The following BNC2 variants were observed in gnomAD, a reference collection of about 807,000 sequenced individuals.
The protein encoded by BNC2 is basonuclin zinc finger protein 2, also known as zinc finger protein basonuclin-2.
Under a neutral mutation model 76.3 loss-of-function variants are expected in BNC2, and 20 were observed. The ratio of observed to expected loss-of-function variants is 0.26; its 90% CI spans 0.18 to 0.38. The LOEUF (loss-of-function observed/expected upper bound fraction) is 0.38. Ranked by LOEUF, BNC2 falls within the 10% of genes least tolerant of loss-of-function variation. The pLI, the probability that BNC2 is intolerant of heterozygous loss-of-function variation, is 1.00. For synonymous variants in BNC2, 582 were observed against 514.8 expected (o/e 1.13, Z -1.77); for missense variants, 1,382 against 1,399.8 (o/e 0.99, Z 0.20).
chr9:16,517,864 A>G (rs1817486606), intron 5 of BNC2, among the ~76,000 whole-genome samples: 1 of 152,246 alleles, frequency 6.6e-6, no homozygotes, highest in East Asian at 1.9e-4. Context: ...GATGATTAAT[A>G]TACTAGATAA....
intron 1 of BNC2, among the ~76,000 whole-genome samples, chr9:16,747,607 G>T (rs563992999): frequency 6.6e-6 from 1 of 152,180 alleles, no homozygotes; most frequent in Non-Finnish European, 1.5e-5. Flanking sequence ...GTCAAACTGG[G>T]AATTCAAGAC....
intron 5 of BNC2, among the ~76,000 whole-genome samples, chr9:16,444,130 C>T (rs1648816503): frequency 6.6e-6 from 1 of 152,080 alleles, no homozygotes; most frequent in Admixed American, 6.5e-5. Flanking sequence ...CTCCCATTTG[C>T]TCCTATTAGT....
At chr9:16,857,644 T>A (rs1819295834) in intron 1 of BNC2, among the ~76,000 whole-genome samples, 1 of 152,070 alleles carries the variant, frequency 6.6e-6, no homozygotes, top group Non-Finnish European at 1.5e-5. Flanking sequence ...GATGAAAAAA[T>A]GCACACTCGC....
At chr9:16,861,995 C>CA (rs547045231) in intron 1 of BNC2, among the ~76,000 whole-genome samples, 16,191 of 123,318 alleles carry the variant, frequency 0.13, 1,081 homozygotes, top group Non-Finnish European at 0.19. Flanking sequence ...TCTCAAAAGA[C>CA]AAAAAAAAAA....
intron 1 of BNC2, among the ~76,000 whole-genome samples, chr9:16,795,730 G>A (rs1394551212): frequency 6.6e-6 from 1 of 152,148 alleles, no homozygotes; most frequent in Non-Finnish European, 1.5e-5. Context: ...TCCCAAGGGT[G>A]TGAGATTTAT....
chr9:16,612,001 A>T (rs922687194), intron 3 of BNC2, among the ~76,000 whole-genome samples: 1 of 151,064 alleles, frequency 6.6e-6, no homozygotes, highest in Non-Finnish European at 1.5e-5. Context: ...TTTCCTTTAA[A>T]TTATTCTATT....
At chr9:16,824,757 G>C (rs945184570) in intron 1 of BNC2, among the ~76,000 whole-genome samples, 1 of 152,144 alleles carries the variant, frequency 6.6e-6, no homozygotes, top group African/African-American at 2.4e-5. Flanking sequence ...CTGTTTCAGG[G>C]GTTGCCAAGG....
At chr9:16,458,891 C>T (rs10115759) in intron 5 of BNC2, among the ~76,000 whole-genome samples, 25,441 of 152,074 alleles carry the variant, frequency 0.17, 3,245 homozygotes, top group African/African-American at 0.35. Context: ...AAGTCCAGCA[C>T]GAGGAGAGAA....
chr9:16,765,392 G>C (rs1293054991), intron 1 of BNC2, among the ~76,000 whole-genome samples: 2 of 152,068 alleles, frequency 1.3e-5, no homozygotes, highest in African/African-American at 4.8e-5. Context: ...CTGAAATGAA[G>C]GGATAAAAGC....
intron 1 of BNC2, among the ~76,000 whole-genome samples, chr9:16,855,840 A>T (rs2136181493): frequency 6.6e-6 from 1 of 151,196 alleles, no homozygotes; most frequent in Non-Finnish European, 1.5e-5. Flanking sequence ...GAGCCACCAC[A>T]CCCGGCCACA....
intron 1 of BNC2, among the ~76,000 whole-genome samples, chr9:16,862,180 G>A (rs1819427175): frequency 6.6e-6 from 1 of 152,132 alleles, no homozygotes; most frequent in South Asian, 2.1e-4. Context: ...ATACCCAAGA[G>A]AAATGAAAAC....
intron 5 of BNC2, among the ~76,000 whole-genome samples, chr9:16,497,581 G>A (rs925454820): frequency 3.3e-5 from 5 of 152,060 alleles, no homozygotes; most frequent in Non-Finnish European, 7.4e-5. Flanking sequence ...GTTTGGTGGG[G>A]GAGATGGGTA....
chr9:16,631,227 C>T (rs1172426159), intron 3 of BNC2, among the ~76,000 whole-genome samples: 1 of 152,238 alleles, frequency 6.6e-6, no homozygotes, highest in East Asian at 1.9e-4. Context: ...TTTGCTAATT[C>T]AACTTTTACA....
chr9:16,519,556 C>A (rs896045383), intron 5 of BNC2, among the ~76,000 whole-genome samples: 1 of 152,132 alleles, frequency 6.6e-6, no homozygotes, highest in Non-Finnish European at 1.5e-5. Flanking sequence ...ACTAGTTAGA[C>A]CTGGGGCTGC....
chr9:16,723,354 AT>A (rs35705389), intron 3 of BNC2, among the ~76,000 whole-genome samples: 1 of 152,096 alleles, frequency 6.6e-6, no homozygotes, highest in Non-Finnish European at 1.5e-5. Context: ...AGGGATGTCT[AT>A]TTGAGTGGGA....
At chr9:16,423,847 CT>C (rs1479237717) in intron 6 of BNC2, among the ~76,000 whole-genome samples, 1 of 152,188 alleles carries the variant, frequency 6.6e-6, no homozygotes, top group Non-Finnish European at 1.5e-5. Flanking sequence ...CCTCTGTACT[CT>C]TTCTATACTG....
At chr9:16,775,697 T>C (rs1825946734) in intron 1 of BNC2, 4 of 221,612 alleles carry the variant, frequency 1.8e-5, no homozygotes, top group African/African-American at 9.3e-5. Context: ...TAGGATTTCT[T>C]CAATGGATAC....
intron 1 of BNC2, among the ~76,000 whole-genome samples, chr9:16,787,177 A>C (rs745389964): frequency 6.6e-6 from 1 of 152,160 alleles, no homozygotes; most frequent in African/African-American, 2.4e-5. Flanking sequence ...CAAGCAACCA[A>C]GACAAAGGTA....
intron 1 of BNC2, among the ~76,000 whole-genome samples, chr9:16,793,819 C>T (rs931928699): frequency 5.2e-4 from 79 of 150,736 alleles, no homozygotes; most frequent in African/African-American, 1.9e-3. Flanking sequence ...CTGCAGGTGC[C>T]CGCCACCATG....
Sources: allele counts gnomAD v4.1 joint callset (sites outside exome capture counted in the v4.1 genomes callset), GRCh38; gene constraint gnomAD v4.1.1; transcripts MANE v1.5; gene names NCBI Gene and HGNC (gene_info 2026-07-23, HGNC 2026-07-21).